The following AMN1 variants were observed in gnomAD, a reference collection of about 807,000 sequenced individuals.
The protein encoded by AMN1 is antagonist of mitotic exit network 1 homolog.
Under a neutral mutation model 33.0 loss-of-function variants are expected in AMN1, and 20 were observed. The observed-to-expected ratio is 0.61, with a 90% confidence interval of 0.43 to 0.88. AMN1 has a LOEUF of 0.88. Ranked by LOEUF, AMN1 falls within the 40% of genes least tolerant of loss-of-function variation. The pLI is 0.00. For missense variants in AMN1, 246 were observed against 307.4 expected (o/e 0.80, Z 1.49); for synonymous variants, 114 against 111.9 (o/e 1.02, Z -0.12).
intron 1 of AMN1, among the ~76,000 whole-genome samples, chr12:31,724,836 G>C (rs1040636743): frequency 6.6e-6 from 1 of 152,168 alleles, no homozygotes; most frequent in African/African-American, 2.4e-5. Flanking sequence ...GCAATAGCAG[G>C]GAGTTGGGAC....
chr12:31,689,267 G>A, intron 5 of AMN1, 149 bp from the exon 6 acceptor site: 1 of 612,572 alleles, frequency 1.6e-6, no homozygotes. Context: ...TAAGTCTGAA[G>A]TAATTTGGAA....
At chr12:31,701,320 T>C (rs1431208024) in intron 3 of AMN1, among the ~76,000 whole-genome samples, 1 of 151,698 alleles carries the variant, frequency 6.6e-6, no homozygotes, top group Non-Finnish European at 1.5e-5. Context: ...TTCTTTCTGA[T>C]AGAGTCTCCC....
intron 6 of AMN1, among the ~76,000 whole-genome samples, chr12:31,685,180 C>A (rs1463614407): frequency 6.6e-6 from 1 of 151,920 alleles, no homozygotes; most frequent in Non-Finnish European, 1.5e-5. Context: ...AGGCACCCAG[C>A]CCCACACTCA....
intron 6 of AMN1, among the ~76,000 whole-genome samples, chr12:31,686,659 A>G (rs962275031): frequency 6.6e-6 from 1 of 152,182 alleles, no homozygotes; most frequent in Admixed American, 6.5e-5. Context: ...TTTCCGACAC[A>G]AAGCCTATTT....
intron 1 of AMN1, among the ~76,000 whole-genome samples, chr12:31,725,547 G>A (rs1017716935): frequency 7.9e-5 from 12 of 152,170 alleles, no homozygotes; most frequent in African/African-American, 2.7e-4. Flanking sequence ...TGCTTCTAAT[G>A]TAAGTGTTAC....
Position 31,671,972 on chromosome 12 carries a change from G to A in AMN1, c.*332C>T, listed in dbSNP as rs1481282223. The A allele has an allele frequency of 5.1e-6, 1 of 196,020 alleles. No homozygotes were observed. The highest frequency in any genetic ancestry group is 2.3e-5 in the African/African-American group (1 of 42,716). 12.1% of individuals were successfully genotyped at this position (196,020 alleles called of 1,614,324 possible). A position where few individuals can be genotyped will look rare whatever the true frequency, so the allele number is the denominator to read the frequency against. ...AACAATAGCTCAAATACCTACATAG[G>A]AGAAGGAAATCTCAAGGGAAAACAG... On this transcript the variant is annotated 3_prime_UTR_variant, in exon 7 of 7. Transcript: ENST00000281471.
chr12:31,705,426 A>C (rs1386774411), intron 2 of AMN1, among the ~76,000 whole-genome samples: 3 of 152,032 alleles, frequency 2.0e-5, no homozygotes, highest in Non-Finnish European at 4.4e-5. Flanking sequence ...TGAGCCCAGG[A>C]GGTTGAGGCT....
chr12:31,692,600 T>C (rs1938551608), intron 5 of AMN1, among the ~76,000 whole-genome samples: 1 of 152,140 alleles, frequency 6.6e-6, no homozygotes, highest in Admixed American at 6.5e-5. Flanking sequence ...AAAATATTCA[T>C]ACCTATTAAT....
rs532565476 is a variant in AMN1, at chr12:31,678,360, A to T, written c.704-5983T>A. On this transcript the variant is annotated intron_variant, in intron 6 of 6. Transcript: ENST00000281471. ...GATTCATGGCAGGAGCACTTGGAAC[A>T]CCAAGAAGAAGAAGAAACTATGGGA... 9.2e-5 allele frequency among the ~76,000 whole-genome samples: 14 copies of T among 151,446 alleles called. No individual in the cohort carries two copies. In the East Asian group the frequency reaches 2.5e-3, roughly 28 times the overall value.
At chr12:31,728,514 G>A (rs1209159927) in intron 1 of AMN1, among the ~76,000 whole-genome samples, 1 of 152,234 alleles carries the variant, frequency 6.6e-6, no homozygotes, top group African/African-American at 2.4e-5. Flanking sequence ...GCTGAACCCA[G>A]CAATCTCAGC....
chr12:31,679,300 G>T (rs1937889026), intron 6 of AMN1, among the ~76,000 whole-genome samples: 1 of 152,168 alleles, frequency 6.6e-6, no homozygotes, highest in African/African-American at 2.4e-5. Flanking sequence ...GCCGAGGCAG[G>T]TGGCTCACCT....
At chr12:31,708,865 A>G (rs748270946) in intron 2 of AMN1, 55 of 198,496 alleles carry the variant, frequency 2.8e-4, no homozygotes, top group Non-Finnish European at 4.4e-4. Flanking sequence ...AAAAAAACAA[A>G]CCCTTATACT....
intron 2 of AMN1, among the ~76,000 whole-genome samples, chr12:31,704,290 G>A (rs572539833): frequency 6.6e-6 from 1 of 152,204 alleles, no homozygotes; most frequent in South Asian, 2.1e-4. Context: ...CTGTCACTTT[G>A]ATGACTAGTA....
chr12:31,672,457 G>A (rs557599345), intron 6 of AMN1, 80 bp from the exon 7 acceptor site: 67 of 977,076 alleles, frequency 6.9e-5, no homozygotes, highest in Middle Eastern at 5.2e-4. Context: ...TGGAGGTGAT[G>A]TTAATTATTA....
chr12:31,701,131 C>T (rs1938980065), intron 3 of AMN1, among the ~76,000 whole-genome samples: 1 of 152,104 alleles, frequency 6.6e-6, no homozygotes, highest in African/African-American at 2.4e-5. Flanking sequence ...TCCCAAGTAG[C>T]TGGGATTACA....
intron 6 of AMN1, among the ~76,000 whole-genome samples, chr12:31,684,573 C>A (rs1938169032): frequency 6.6e-6 from 1 of 151,626 alleles, no homozygotes; most frequent in Non-Finnish European, 1.5e-5. Context: ...CAAGTTCATG[C>A]CATTCTCCTG....
intron 3 of AMN1, 68 bp downstream of exon 3, chr12:31,701,795 C>CCTTA: frequency 7.4e-7 from 1 of 1,359,246 alleles, no homozygotes; most frequent in Non-Finnish European, 9.9e-7. Flanking sequence ...GTATTTTCTC[C>CCTTA]CTTACTCCAC....
chr12:31,721,265 C>T (rs1939868894), intron 1 of AMN1, among the ~76,000 whole-genome samples: 1 of 152,110 alleles, frequency 6.6e-6, no homozygotes. Flanking sequence ...AGAAGGACTT[C>T]CGGGTTTGGA....
intron 6 of AMN1, among the ~76,000 whole-genome samples, chr12:31,685,033 T>G (rs1012702400): frequency 2.0e-5 from 3 of 151,388 alleles, no homozygotes; most frequent in Non-Finnish European, 3.0e-5. Flanking sequence ...TAATTATTAT[T>G]TTTTTTTTTT....
Sources: allele counts gnomAD v4.1 joint callset (sites outside exome capture counted in the v4.1 genomes callset), GRCh38; gene constraint gnomAD v4.1.1; transcripts MANE v1.5; gene names NCBI Gene and HGNC (gene_info 2026-07-23, HGNC 2026-07-21).